Variants in ZCCHC24 observed in about 807,000 individuals in gnomAD.
ZCCHC24 encodes the protein zinc finger CCHC-type containing 24.
In ZCCHC24, 10 loss-of-function variants were observed where a neutral mutation model predicts 26.2. The observed-to-expected ratio is 0.38, with a 90% CI of 0.24 to 0.65. ZCCHC24 has a LOEUF of 0.65. Ranked by LOEUF, ZCCHC24 falls within the 30% of genes least tolerant of loss-of-function variation. ZCCHC24 has a pLI of 0.54. For synonymous variants in ZCCHC24, 144 were observed against 147.1 expected (o/e 0.98, Z 0.15); for missense variants, 243 against 329.1 (o/e 0.74, Z 2.03).
chr10:79,427,363 C>T (rs1173711933), intron 2 of ZCCHC24, among the ~76,000 whole-genome samples: 1 of 152,182 alleles, frequency 6.6e-6, no homozygotes, highest in Non-Finnish European at 1.5e-5. Flanking sequence ...CTATAAAACA[C>T]TCCACCAAAC....
intron 1 of ZCCHC24, among the ~76,000 whole-genome samples, chr10:79,441,777 A>AC (rs980148644): frequency 6.6e-6 from 1 of 152,146 alleles, no homozygotes; most frequent in Non-Finnish European, 1.5e-5. Context: ...GTAGGGCCAC[A>AC]CCTTCCAGCT....
intron 2 of ZCCHC24, among the ~76,000 whole-genome samples, chr10:79,406,794 C>T (rs754504273): frequency 6.6e-6 from 1 of 152,336 alleles, no homozygotes; most frequent in South Asian, 2.1e-4. Context: ...GCTGCAACGC[C>T]GCATGCCTCC....
intron 2 of ZCCHC24, chr10:79,403,607 C>T: frequency 9.1e-6 from 9 of 985,376 alleles, no homozygotes; most frequent in Non-Finnish European, 1.1e-5. Flanking sequence ...CCCGGGGCTT[C>T]CTCTGGAGCC....
intron 1 of ZCCHC24, among the ~76,000 whole-genome samples, chr10:79,439,049 T>C (rs1001407638): frequency 2.0e-5 from 3 of 152,240 alleles, no homozygotes; most frequent in African/African-American, 7.2e-5. Context: ...CCACTGAGGC[T>C]TGCAGCCTCC....
chr10:79,427,438 G>A (rs1316942295), intron 2 of ZCCHC24, among the ~76,000 whole-genome samples: 4 of 152,118 alleles, frequency 2.6e-5, no homozygotes, highest in African/African-American at 4.8e-5. Flanking sequence ...ATAATGTTAG[G>A]TTCTGAAACA....
Position 79,422,214 on chromosome 10 carries a change from C to T in ZCCHC24, c.447+10344G>A, listed in dbSNP as rs1393613641. On this transcript the variant is annotated intron_variant, in intron 2 of 3. Transcript: ENST00000372336. ...TGAGGAGAAGCTTCTAGTCAGCCCACAATTCTGCCTAGCCTCAGTCCTTTT... is the reference window on the plus strand; with the variant it reads ...TGAGGAGAAGCTTCTAGTCAGCCCATAATTCTGCCTAGCCTCAGTCCTTTT... Among the ~76,000 whole-genome samples, 3 of 152,010 alleles carry T rather than the reference C, an allele frequency of 2.0e-5. No individual in the cohort carries two copies. In the Admixed American group the frequency reaches 2.0e-4, roughly 10 times the overall value.
chr10:79,396,350 T>C (rs989375677), intron 2 of ZCCHC24, among the ~76,000 whole-genome samples: 2 of 152,222 alleles, frequency 1.3e-5, no homozygotes, highest in Non-Finnish European at 2.9e-5. Flanking sequence ...AAAAGTTGAA[T>C]GAGTTACCCT....
At chr10:79,402,340 A>T (rs957698533) in intron 2 of ZCCHC24, among the ~76,000 whole-genome samples, 1 of 151,460 alleles carries the variant, frequency 6.6e-6, no homozygotes, top group Non-Finnish European at 1.5e-5. Flanking sequence ...CAGTGGCGTG[A>T]TCTCCGCTCA....
At chr10:79,431,549 G>A (rs1010135480) in intron 2 of ZCCHC24, among the ~76,000 whole-genome samples, 5 of 152,182 alleles carry the variant, frequency 3.3e-5, no homozygotes, top group African/African-American at 9.7e-5. Flanking sequence ...TGCCAGGGCC[G>A]TACTCTAAGC....
chr10:79,433,272 C>G (rs1259821111), intron 1 of ZCCHC24, among the ~76,000 whole-genome samples: 2 of 152,214 alleles, frequency 1.3e-5, no homozygotes, highest in African/African-American at 4.8e-5. Flanking sequence ...GCATTGCTCC[C>G]GCTTCACACT....
intron 2 of ZCCHC24, among the ~76,000 whole-genome samples, chr10:79,400,312 C>A (rs1856611875): frequency 6.6e-6 from 1 of 152,220 alleles, no homozygotes; most frequent in African/African-American, 2.4e-5. Flanking sequence ...CAATGTAAAT[C>A]TGGAATGAGC....
chr10:79,407,982 C>T (rs1856741787), intron 2 of ZCCHC24, among the ~76,000 whole-genome samples: 1 of 152,182 alleles, frequency 6.6e-6, no homozygotes, highest in Non-Finnish European at 1.5e-5. Flanking sequence ...AAACCATCAC[C>T]GGGAACAATG....
Position 79,385,954 on chromosome 10 carries a change from G to A in ZCCHC24, c.*391C>T. On this transcript the variant is annotated 3_prime_UTR_variant, in exon 4 of 4. Coordinates refer to ENST00000372336, the MANE Select transcript of ZCCHC24 (RefSeq NM_153367.4). The surrounding 1 kb of genome is among the most constrained non-coding windows in gnomAD (Gnocchi z 4.3). ...GGGGGCAGGCGGCCTGGCTGGTCTG[G>A]GGAGGTTTGGGATTCACAGTCAATT... The A allele has an allele frequency of 2.3e-6, 1 of 426,674 alleles. No homozygotes were observed. Among genetic ancestry groups the A allele is most frequent in the Non-Finnish European group, 4.2e-6 (1 of 240,476 alleles). The allele number at this position is 426,674 out of a possible 1,614,324, so 26.4% of individuals were successfully genotyped here. A position where few individuals can be genotyped will look rare whatever the true frequency, so the allele number is the denominator to read the frequency against.
At chr10:79,394,467 G>T in intron 2 of ZCCHC24, 27 bp from the exon 3 acceptor site, 1 of 1,607,088 alleles carries the variant, frequency 6.2e-7, no homozygotes, top group East Asian at 2.2e-5. Flanking sequence ...AAACACAGGG[G>T]ATTGGAGTCC....
At chr10:79,407,510 C>G (rs537960949) in intron 2 of ZCCHC24, among the ~76,000 whole-genome samples, 1 of 152,372 alleles carries the variant, frequency 6.6e-6, no homozygotes, top group Non-Finnish European at 1.5e-5. Context: ...CCCAGAGTCT[C>G]AGAATCAATA....
chr10:79,423,357 C>A (rs1856973013), intron 2 of ZCCHC24, among the ~76,000 whole-genome samples: 2 of 151,564 alleles, frequency 1.3e-5, no homozygotes, highest in South Asian at 4.2e-4. Context: ...TTGAGACCAG[C>A]CTAGCCAACA....
chr10:79,404,200 G>T (rs954087227), intron 2 of ZCCHC24, among the ~76,000 whole-genome samples: 5 of 152,196 alleles, frequency 3.3e-5, no homozygotes, highest in African/African-American at 9.7e-5. Context: ...CGTGCCTCCA[G>T]CCCTGTGCCC....
At position 79,385,914 on chromosome 10, in the gene ZCCHC24, C is replaced by T. The variant is rs1024953857; in HGVS notation, c.*431G>A. ...GAGTGGCTTTCCATACAGGGCAAAC[C>T]GGAAGGTTCTGGGTGGGGGCAGGCG... On this transcript the variant is annotated 3_prime_UTR_variant, in exon 4 of 4. Transcript: ENST00000372336. This position sits in a 1 kb window ranked among gnomAD's most constrained non-coding sequence, Gnocchi z 4.3. 85 of 393,028 alleles carry T rather than the reference C, an allele frequency of 2.2e-4. No homozygotes were observed. In the East Asian group the frequency reaches 2.8e-3, roughly 13 times the overall value. 24.3% of individuals were successfully genotyped at this position (393,028 alleles called of 1,614,324 possible).
intron 1 of ZCCHC24, among the ~76,000 whole-genome samples, chr10:79,436,944 G>A (rs368000934): frequency 4.6e-5 from 7 of 152,210 alleles, no homozygotes; most frequent in Non-Finnish European, 8.8e-5. Context: ...CCCTCACACC[G>A]CATCTGGGGG....
Sources: allele counts gnomAD v4.1 joint callset (sites outside exome capture counted in the v4.1 genomes callset), GRCh38; gene constraint gnomAD v4.1.1; non-coding constraint Gnocchi (gnomAD v3.1); transcripts MANE v1.5; gene names NCBI Gene and HGNC (gene_info 2026-07-23, HGNC 2026-07-21).